DGLUCY: variants seen among roughly 807,000 people sequenced by gnomAD.
DGLUCY encodes the protein D-glutamate cyclase.
A neutral mutation model predicts 58.5 loss-of-function variants in DGLUCY; 58 were observed. The observed-to-expected ratio is 0.99, with a 90% CI of 0.80 to 1.23. DGLUCY has a LOEUF of 1.23. Ranked by LOEUF, DGLUCY falls within the 50% of genes most tolerant of loss-of-function variation. DGLUCY has a pLI of 0.00. For missense variants in DGLUCY, 779 were observed against 784.7 expected (o/e 0.99, Z 0.09); for synonymous variants, 325 against 314.1 (o/e 1.03, Z -0.37).
chr14:91,160,165 A>G (rs1037037144), intron 2 of DGLUCY, 101 bp from the exon 3 acceptor site: 5 of 766,330 alleles, frequency 6.5e-6, no homozygotes, highest in Non-Finnish European at 1.1e-5. Context: ...GGGCCAGGAA[A>G]GGGTAGGATG....
chr14:91,106,622 C>A (rs563617955), upstream of DGLUCY, among the ~76,000 whole-genome samples: 429 of 151,890 alleles, frequency 2.8e-3, 3 homozygotes, highest in African/African-American at 0.01. Flanking sequence ...CATGAGAATC[C>A]CTTGAACCTG....
intron 1 of DGLUCY, among the ~76,000 whole-genome samples, chr14:91,150,466 G>A (rs893380793): frequency 1.3e-4 from 19 of 151,844 alleles, no homozygotes; most frequent in African/African-American, 4.1e-4. Flanking sequence ...TTTTTTGAGA[G>A]AATGTCTCAC....
At chr14:91,223,757 G>T in intron 13 of DGLUCY, 1 of 1,261,764 alleles carries the variant, frequency 7.9e-7, no homozygotes, top group African/African-American at 1.5e-5. Context: ...TTTTGTGAAT[G>T]CCTGTTGTGT....
chr14:91,103,968 A>G (rs1351022309), upstream of DGLUCY, among the ~76,000 whole-genome samples: 1 of 150,810 alleles, frequency 6.6e-6, no homozygotes, highest in East Asian at 1.9e-4. Flanking sequence ...GCCTACTCCA[A>G]TTTGGCTTCC....
intron 1 of DGLUCY, among the ~76,000 whole-genome samples, chr14:91,075,938 C>A (rs560443599): frequency 6.6e-6 from 1 of 152,226 alleles, no homozygotes. Context: ...CATGGTGAAA[C>A]CCCATCTCTA....
upstream of DGLUCY, among the ~76,000 whole-genome samples, chr14:91,106,648 A>G (rs532639701): frequency 6.6e-6 from 1 of 151,002 alleles, no homozygotes; most frequent in African/African-American, 2.4e-5. Context: ...TGGAGGTTGC[A>G]GTGAGCCCAG....
chr14:91,078,203 A>G (rs2044063079), intron 1 of DGLUCY, among the ~76,000 whole-genome samples: 1 of 152,002 alleles, frequency 6.6e-6, no homozygotes, highest in African/African-American at 2.4e-5. Context: ...TCCTTTTTGT[A>G]TTTTTAGTAG....
chr14:91,090,801 C>T (rs1435407134), intron 1 of DGLUCY, among the ~76,000 whole-genome samples: 1 of 152,306 alleles, frequency 6.6e-6, no homozygotes, highest in South Asian at 2.1e-4. Flanking sequence ...GTCAAACTCC[C>T]AGCAAATGTG....
intron 1 of DGLUCY, among the ~76,000 whole-genome samples, chr14:91,116,955 A>AG (rs58972981): frequency 6.6e-6 from 1 of 150,802 alleles, no homozygotes; most frequent in Admixed American, 6.6e-5. Context: ...AAAAAAAAAA[A>AG]GAACGGCTAC....
intron 1 of DGLUCY, among the ~76,000 whole-genome samples, chr14:91,078,249 G>C (rs2044064027): frequency 6.6e-6 from 1 of 152,096 alleles, no homozygotes; most frequent in African/African-American, 2.4e-5. Flanking sequence ...GGCTGATCTT[G>C]AACTGTTTCC....
intron 1 of DGLUCY, among the ~76,000 whole-genome samples, chr14:91,068,211 C>G (rs2043860197): frequency 6.6e-6 from 1 of 152,166 alleles, no homozygotes; most frequent in South Asian, 2.1e-4. Flanking sequence ...TACTACCTTT[C>G]TAGCTTAGCA....
At chr14:91,090,629 G>A (rs2044295823) in intron 1 of DGLUCY, among the ~76,000 whole-genome samples, 1 of 152,208 alleles carries the variant, frequency 6.6e-6, no homozygotes, top group Non-Finnish European at 1.5e-5. Context: ...GCTTGTTGAT[G>A]TCAGGAAAGT....
At chr14:91,215,880 C>A in intron 13 of DGLUCY, 1 of 646,954 alleles carries the variant, frequency 1.5e-6, no homozygotes, top group Non-Finnish European at 2.3e-6. Flanking sequence ...CCGAATGCCT[C>A]ACCCATGGTG....
In DGLUCY at chr14:91,219,073, G is replaced by A. The variant is rs1045790265; in HGVS notation, c.1716+3517G>A. On this transcript the variant is annotated intron_variant, in intron 13 of 13. Transcript: ENST00000256324. ...CGGGCGCCTGTAGTCCCAGCTGTTC[G>A]AGAGGCTGAGACATGAGAATCACTT... 9.2e-5 allele frequency among the ~76,000 whole-genome samples: 14 copies of A among 152,056 alleles called. No individual in the cohort carries two copies. In the East Asian group the frequency reaches 1.6e-3, roughly 17 times the overall value.
At chr14:91,067,925 A>T (rs1201397141) in intron 1 of DGLUCY, among the ~76,000 whole-genome samples, 3 of 152,138 alleles carry the variant, frequency 2.0e-5, no homozygotes, top group Non-Finnish European at 4.4e-5. Flanking sequence ...TAAGTTGAAG[A>T]GACTGCAAGA....
chr14:91,198,307 G>A (rs1380718114), intron 10 of DGLUCY, among the ~76,000 whole-genome samples: 1 of 149,236 alleles, frequency 6.7e-6, no homozygotes, highest in Non-Finnish European at 1.5e-5. Context: ...GCCTCCTGAA[G>A]TGCTGAGATT....
At chr14:91,145,843 C>G (rs1242441965) in intron 1 of DGLUCY, among the ~76,000 whole-genome samples, 4 of 152,080 alleles carry the variant, frequency 2.6e-5, no homozygotes, top group Non-Finnish European at 5.9e-5. Context: ...CCTGTAAGGT[C>G]TATACACTCA....
intron 8 of DGLUCY, among the ~76,000 whole-genome samples, chr14:91,187,932 G>A (rs2049622889): frequency 6.6e-6 from 1 of 151,986 alleles, no homozygotes; most frequent in Admixed American, 6.6e-5. Context: ...AGGTCCTTGT[G>A]TCAGGGTCTT....
intron 7 of DGLUCY, among the ~76,000 whole-genome samples, chr14:91,180,881 A>G (rs1054772514): frequency 6.6e-6 from 1 of 152,228 alleles, no homozygotes; most frequent in Non-Finnish European, 1.5e-5. Context: ...ACACTTCCTG[A>G]TATCCATGGG....
Sources: allele counts gnomAD v4.1 joint callset (sites outside exome capture counted in the v4.1 genomes callset), GRCh38; gene constraint gnomAD v4.1.1; transcripts MANE v1.5; gene names NCBI Gene and HGNC (gene_info 2026-07-23, HGNC 2026-07-21).